The following STAG1 variants were observed in gnomAD, a reference collection of about 807,000 sequenced individuals.
STAG1 encodes STAG1 cohesin complex component, also known as cohesin subunit SA-1.
In STAG1, 26 loss-of-function variants were observed where a neutral mutation model predicts 170.9. The observed-to-expected ratio is 0.15, with a 90% CI of 0.11 to 0.21. The LOEUF (loss-of-function observed/expected upper bound fraction) is 0.21, where lower values mean the gene tolerates loss of function less well. Ranked by LOEUF, STAG1 falls within the 10% of genes least tolerant of loss-of-function variation. The pLI is 1.00. For missense variants in STAG1, 964 were observed against 1,509.5 expected (o/e 0.64, Z 5.99); for synonymous variants, 514 against 497.7 (o/e 1.03, Z -0.44).
At chr3:136,621,010 C>T (rs1013585580) in intron 3 of STAG1, among the ~76,000 whole-genome samples, 1 of 152,120 alleles carries the variant, frequency 6.6e-6, no homozygotes, top group African/African-American at 2.4e-5. Context: ...CGCCTGTAGT[C>T]CCAGCTACTC....
chr3:136,446,219 T>C (rs1203348225), intron 14 of STAG1, among the ~76,000 whole-genome samples: 1 of 152,162 alleles, frequency 6.6e-6, no homozygotes, highest in Non-Finnish European at 1.5e-5. Context: ...TGTCATAGTT[T>C]TTAGGTTTAG....
intron 1 of STAG1, among the ~76,000 whole-genome samples, chr3:136,711,253 T>A (rs930770529): frequency 3.3e-5 from 5 of 152,152 alleles, no homozygotes; most frequent in Non-Finnish European, 7.3e-5. Context: ...GGTTGGAGGT[T>A]AAGTTGGTTA....
At chr3:136,531,907 T>TAAACA (rs1173996165) in intron 6 of STAG1, among the ~76,000 whole-genome samples, 4 of 90,324 alleles carry the variant, frequency 4.4e-5, no homozygotes, top group Non-Finnish European at 7.7e-5. Flanking sequence ...ACTTAAAGTA[T>TAAACA]AAAAAAAAAA....
intron 5 of STAG1, among the ~76,000 whole-genome samples, chr3:136,542,427 T>A (rs545807898): frequency 4.5e-4 from 69 of 152,302 alleles, no homozygotes; most frequent in African/African-American, 1.4e-3. Context: ...AATAATTCCA[T>A]AATTAGACAT....
At chr3:136,649,319 A>C (rs1467413741) in intron 1 of STAG1, among the ~76,000 whole-genome samples, 1 of 151,856 alleles carries the variant, frequency 6.6e-6, no homozygotes, top group Non-Finnish European at 1.5e-5. Context: ...TCTCTACTAA[A>C]AACATAAAAA....
intron 6 of STAG1, among the ~76,000 whole-genome samples, chr3:136,533,640 G>A (rs1481921327): frequency 6.6e-6 from 1 of 152,132 alleles, no homozygotes; most frequent in African/African-American, 2.4e-5. Flanking sequence ...AATTCAAAGT[G>A]AGAATTCACT....
chr3:136,430,694 T>C (rs2088272205), intron 16 of STAG1, among the ~76,000 whole-genome samples: 1 of 151,554 alleles, frequency 6.6e-6, no homozygotes, highest in Non-Finnish European at 1.5e-5. Flanking sequence ...TTGGGCTGCA[T>C]TCAAAGCTGT....
At chr3:136,588,194 T>C (rs917955100) in intron 4 of STAG1, among the ~76,000 whole-genome samples, 1 of 152,184 alleles carries the variant, frequency 6.6e-6, no homozygotes, top group African/African-American at 2.4e-5. Flanking sequence ...AGTAGATATA[T>C]ACAAATATAC....
intron 6 of STAG1, among the ~76,000 whole-genome samples, chr3:136,525,939 G>C (rs1198335616): frequency 2.6e-5 from 4 of 152,184 alleles, no homozygotes; most frequent in African/African-American, 9.7e-5. Context: ...GTTCTAGTTT[G>C]ATTGCACTGT....
At chr3:136,733,012 C>T (rs964328505) in intron 1 of STAG1, among the ~76,000 whole-genome samples, 6 of 151,498 alleles carry the variant, frequency 4.0e-5, no homozygotes, top group Admixed American at 3.9e-4. Context: ...ACTTAGATTA[C>T]GATATGTCTT....
intron 7 of STAG1, among the ~76,000 whole-genome samples, chr3:136,507,417 A>G (rs150862536): frequency 0.017 from 2,567 of 152,252 alleles, 38 homozygotes; most frequent in Non-Finnish European, 0.027. Flanking sequence ...AGAATAGAGC[A>G]CAGTGGTGCA....
At chr3:136,487,531 C>T (rs1480976938) in intron 9 of STAG1, among the ~76,000 whole-genome samples, 1 of 152,144 alleles carries the variant, frequency 6.6e-6, no homozygotes, top group African/African-American at 2.4e-5. Flanking sequence ...TGCAATTTGA[C>T]CATGTGGGGC....
chr3:136,430,416 G>C (rs1293398516), intron 16 of STAG1, among the ~76,000 whole-genome samples: 1 of 151,986 alleles, frequency 6.6e-6, no homozygotes, highest in African/African-American at 2.4e-5. Flanking sequence ...ATAAAACATA[G>C]CAATTTTGCT....
chr3:136,715,027 A>G (rs904956538), intron 1 of STAG1, among the ~76,000 whole-genome samples: 2 of 135,134 alleles, frequency 1.5e-5, no homozygotes, highest in African/African-American at 2.6e-5. Context: ...ATATATATAT[A>G]AAATAAAAGT....
intron 1 of STAG1, among the ~76,000 whole-genome samples, chr3:136,702,131 CAG>C (rs1301130010): frequency 2.2e-5 from 2 of 89,606 alleles, no homozygotes; most frequent in African/African-American, 1.2e-4. Flanking sequence ...GACAGAGAGA[CAG>C]AGAGACAGAG....
chr3:136,552,127 CA>C (rs1936432341), intron 5 of STAG1, among the ~76,000 whole-genome samples: 1 of 152,130 alleles, frequency 6.6e-6, no homozygotes, highest in Non-Finnish European at 1.5e-5. Context: ...AAAGCTTTTT[CA>C]AAACCATGAC....
At chr3:136,362,707 T>A (rs1936923179) in intron 26 of STAG1, among the ~76,000 whole-genome samples, 1 of 150,968 alleles carries the variant, frequency 6.6e-6, no homozygotes, top group East Asian at 1.9e-4. Flanking sequence ...ATTTAAAAAA[T>A]ATCCTCTTAT....
chr3:136,382,385 A>C (rs1313799579), intron 22 of STAG1, among the ~76,000 whole-genome samples: 1 of 152,006 alleles, frequency 6.6e-6, no homozygotes, highest in Non-Finnish European at 1.5e-5. Flanking sequence ...TGGAAATGTG[A>C]AACAACCAAG....
At chr3:136,520,034 T>C (rs1934592400) in intron 7 of STAG1, among the ~76,000 whole-genome samples, 1 of 152,058 alleles carries the variant, frequency 6.6e-6, no homozygotes, top group South Asian at 2.1e-4. Flanking sequence ...CTAATATGAA[T>C]TAATATGAAT....
Sources: allele counts gnomAD v4.1 joint callset (sites outside exome capture counted in the v4.1 genomes callset), GRCh38; gene constraint gnomAD v4.1.1; transcripts MANE v1.5; gene names NCBI Gene and HGNC (gene_info 2026-07-23, HGNC 2026-07-21).